CNTN1: variants seen among roughly 807,000 people sequenced by gnomAD.
The protein encoded by CNTN1 is contactin-1.
In CNTN1, 38 loss-of-function variants were observed where a neutral mutation model predicts 126.4. The ratio of observed to expected loss-of-function variants is 0.30; its 90% CI spans 0.23 to 0.39. The LOEUF (loss-of-function observed/expected upper bound fraction) is 0.39, where lower values mean the gene tolerates loss of function less well. Ranked by LOEUF, CNTN1 falls within the 10% of genes least tolerant of loss-of-function variation. The pLI, the probability that CNTN1 is intolerant of heterozygous loss-of-function variation, is 1.00. For missense variants in CNTN1, 1,009 were observed against 1,248.4 expected, an observed-to-expected ratio of 0.81 and a Z score of 2.89; for synonymous variants, 413 against 422.6, an observed-to-expected ratio of 0.98 and a Z score of 0.28.
intron 14 of CNTN1, among the ~76,000 whole-genome samples, chr12:40,950,209 T>C (rs931238347): frequency 6.6e-6 from 1 of 151,864 alleles, no homozygotes; most frequent in African/African-American, 2.4e-5. Flanking sequence ...CCTAGTATTA[T>C]CTGGCCCAAA....
intron 14 of CNTN1, among the ~76,000 whole-genome samples, chr12:40,957,164 A>G (rs1205445199): frequency 6.6e-6 from 1 of 152,010 alleles, no homozygotes; most frequent in Non-Finnish European, 1.5e-5. Flanking sequence ...AGAAATGAAG[A>G]AATGGAAAAA....
At chr12:41,051,159 T>C (rs1354476338) in intron 23 of CNTN1, among the ~76,000 whole-genome samples, 2 of 149,324 alleles carry the variant, frequency 1.3e-5, no homozygotes, top group Non-Finnish European at 3.0e-5. Context: ...TTTTTTTTTT[T>C]TTTTTTGAGA....
rs1949637139 is a variant in CNTN1 at position 41,050,062 on chromosome 12, G to C, written c.2981-19897G>C. On this transcript the variant is annotated intron_variant, in intron 23 of 23. Coordinates refer to ENST00000551295, the MANE Select transcript of CNTN1 (RefSeq NM_001843.4). ...TTACAGGTGCATGCCACTAGGCCCA[G>C]CTAATTTTTGTACTTTTAGTAGAGA... Among the ~76,000 whole-genome samples the C allele has an allele frequency of 2.6e-5, 4 of 152,098 alleles. No homozygotes were observed. The South Asian group carries it at 8.3e-4, about 32-fold the overall frequency.
intron 18 of CNTN1, among the ~76,000 whole-genome samples, chr12:41,015,985 C>T (rs181891352): frequency 1.1e-4 from 16 of 152,302 alleles, no homozygotes; most frequent in African/African-American, 3.8e-4. Flanking sequence ...TTGTCCCTTC[C>T]TCCTTGTCAC....
At chr12:40,809,483 A>G (rs181650478) in intron 1 of CNTN1, among the ~76,000 whole-genome samples, 137 of 152,336 alleles carry the variant, frequency 9.0e-4, no homozygotes, top group South Asian at 6.0e-3. Context: ...AACAAATTTT[A>G]TATCTTGAAC....
intron 7 of CNTN1, among the ~76,000 whole-genome samples, chr12:40,930,795 C>A (rs1279376838): frequency 6.6e-6 from 1 of 151,926 alleles, no homozygotes; most frequent in Admixed American, 6.6e-5. Flanking sequence ...CATTGAGGTT[C>A]CATTTTTATT....
intron 15 of CNTN1, among the ~76,000 whole-genome samples, chr12:40,965,841 G>C (rs1465702356): frequency 6.6e-6 from 1 of 152,114 alleles, no homozygotes; most frequent in Non-Finnish European, 1.5e-5. Context: ...CTTTATGTTT[G>C]AAATTATTAT....
chr12:41,024,257 C>A (rs1254847134), intron 20 of CNTN1, among the ~76,000 whole-genome samples: 1 of 152,102 alleles, frequency 6.6e-6, no homozygotes, highest in Non-Finnish European at 1.5e-5. Flanking sequence ...TGTGAAATTA[C>A]AATCCCGTTA....
chr12:40,925,582 T>C (rs1242465640), intron 6 of CNTN1, among the ~76,000 whole-genome samples: 12 of 144,788 alleles, frequency 8.3e-5, no homozygotes, highest in South Asian at 2.2e-4. Context: ...TATATACGTA[T>C]ATATACATGT....
chr12:40,901,849 C>A (rs2136774899), intron 1 of CNTN1, among the ~76,000 whole-genome samples: 1 of 152,280 alleles, frequency 6.6e-6, no homozygotes, highest in South Asian at 2.1e-4. Flanking sequence ...TTGACCACTG[C>A]AATAAGCTGC....
At chr12:40,904,349 T>TTTCCTTCC (rs1944730540) in intron 1 of CNTN1, among the ~76,000 whole-genome samples, 1 of 96,612 alleles carries the variant, frequency 1.0e-5, no homozygotes, top group Admixed American at 1.0e-4. Flanking sequence ...TCTTCTTCTT[T>TTTCCTTCC]TTCCTTCCTT....
chr12:40,896,433 A>G (rs183482724), intron 1 of CNTN1, among the ~76,000 whole-genome samples: 51 of 152,280 alleles, frequency 3.3e-4, no homozygotes, highest in African/African-American at 1.2e-3. Context: ...CACTGAAATG[A>G]CTTGCCTAAA....
At chr12:40,949,670 G>A (rs1946593155) in intron 14 of CNTN1, among the ~76,000 whole-genome samples, 1 of 141,860 alleles carries the variant, frequency 7.0e-6, no homozygotes, top group African/African-American at 2.7e-5. Context: ...CCTCTCCCAG[G>A]TTCAAGTAAT....
At chr12:40,727,167 G>T (rs1565653604) in intron 1 of CNTN1, among the ~76,000 whole-genome samples, 1 of 150,886 alleles carries the variant, frequency 6.6e-6, no homozygotes, top group Admixed American at 6.6e-5. Flanking sequence ...CTTCTTCAAG[G>T]ACAGTGTCAA....
intron 1 of CNTN1, among the ~76,000 whole-genome samples, chr12:40,792,444 C>G (rs1940252955): frequency 6.6e-6 from 1 of 152,022 alleles, no homozygotes; most frequent in African/African-American, 2.4e-5. Flanking sequence ...AACTTGTTTA[C>G]TATTTAATGA....
At chr12:40,892,861 G>A (rs946761541) in intron 1 of CNTN1, among the ~76,000 whole-genome samples, 20 of 148,522 alleles carry the variant, frequency 1.3e-4, no homozygotes, top group African/African-American at 4.3e-4. Context: ...CAGTCAGAGA[G>A]ATTCAGTTCA....
At chr12:40,814,354 A>G (rs1941188696) in intron 1 of CNTN1, among the ~76,000 whole-genome samples, 1 of 152,338 alleles carries the variant, frequency 6.6e-6, no homozygotes, top group South Asian at 2.1e-4. Context: ...TCTTTAAGCC[A>G]TCTTGAGTTA....
intron 1 of CNTN1, among the ~76,000 whole-genome samples, chr12:40,830,152 C>A (rs1941758675): frequency 6.6e-6 from 1 of 152,112 alleles, no homozygotes; most frequent in Non-Finnish European, 1.5e-5. Context: ...TAGCCAATCT[C>A]ATTTAAAAGA....
chr12:40,971,299 G>C (rs1459845932), intron 15 of CNTN1: 1 of 720,598 alleles, frequency 1.4e-6, no homozygotes, highest in Non-Finnish European at 2.3e-6. Context: ...TCAGTGTGTA[G>C]GGGAAGATAC....
Sources: gnomAD v4.1 joint callset for allele counts (sites outside exome capture counted in the v4.1 genomes callset) on GRCh38, gnomAD v4.1.1 for gene constraint, MANE v1.5 for transcripts, NCBI Gene and HGNC (gene_info 2026-07-23, HGNC 2026-07-21) for gene names.